PTPRK: variants seen among roughly 807,000 people sequenced by gnomAD.
PTPRK encodes the protein protein tyrosine phosphatase receptor type K, also known as receptor-type tyrosine-protein phosphatase kappa.
A neutral mutation model predicts 178.0 loss-of-function variants in PTPRK; 75 were observed. That is an observed-to-expected ratio of 0.42 (90% confidence interval 0.35 to 0.51). The LOEUF (loss-of-function observed/expected upper bound fraction) is 0.51. PTPRK is among the 20% of genes least tolerant of loss of function. The probability of loss-of-function intolerance (pLI) is 0.02; values close to 1 mark genes in which losing one functional copy is unlikely to be tolerated. For missense variants in PTPRK, 1,441 were observed against 1,797.8 expected (o/e 0.80, Z 3.59); for synonymous variants, 637 against 620.6 (o/e 1.03, Z -0.39).
At chr6:128,470,983 A>G (rs182618367) in intron 1 of PTPRK, among the ~76,000 whole-genome samples, 8 of 151,630 alleles carry the variant, frequency 5.3e-5, no homozygotes, top group Admixed American at 2.0e-4. Flanking sequence ...AGTTAAAATC[A>G]CATTACATTA....
chr6:128,506,659 CAAAA>C (rs60473661), intron 1 of PTPRK, among the ~76,000 whole-genome samples: 3 of 53,090 alleles, frequency 5.7e-5, no homozygotes, highest in Admixed American at 2.0e-4. Context: ...AACTCTGTCT[CAAAA>C]AAAAAAAAAA....
At chr6:128,401,727 A>G (rs1841045008) in intron 1 of PTPRK, among the ~76,000 whole-genome samples, 1 of 152,202 alleles carries the variant, frequency 6.6e-6, no homozygotes, top group African/African-American at 2.4e-5. Flanking sequence ...TACTGTTTGT[A>G]AAGAACAAGC....
In PTPRK at chr6:128,113,620, C is replaced by T. The variant is rs181223794; in HGVS notation, c.1163-23628G>A. Among the ~76,000 whole-genome samples the T allele has an allele frequency of 5.2e-3, 798 of 152,058 alleles. 32 individuals carry two copies. The highest frequency in any genetic ancestry group is 1.6e-3 in the Non-Finnish European group (108 of 67,944). ...GCTCAGGTTACATGAAAATATTACA[C>T]CATTTTGTGTAAGGGACTTGAGCAT... On this transcript the variant is annotated intron_variant, in intron 7 of 29. Transcript: ENST00000368226.
chr6:128,305,357 T>G (rs1826220346), intron 3 of PTPRK, among the ~76,000 whole-genome samples: 1 of 152,214 alleles, frequency 6.6e-6, no homozygotes, highest in African/African-American at 2.4e-5. Flanking sequence ...AGTTTCCTTT[T>G]TTCCACAAAG....
chr6:128,398,935 A>G (rs1413675554), intron 1 of PTPRK, among the ~76,000 whole-genome samples: 1 of 152,226 alleles, frequency 6.6e-6, no homozygotes. Context: ...CGATGTGTAC[A>G]GGCACACACG....
intron 3 of PTPRK, among the ~76,000 whole-genome samples, chr6:128,319,378 T>C (rs1828480388): frequency 6.6e-6 from 1 of 152,150 alleles, no homozygotes; most frequent in African/African-American, 2.4e-5. Flanking sequence ...ATTTTTATCT[T>C]CTACAGAGCA....
chr6:128,130,530 A>T (rs17055350), intron 7 of PTPRK, among the ~76,000 whole-genome samples: 3,871 of 152,050 alleles, frequency 0.025, 75 homozygotes, highest in Middle Eastern at 0.095. Context: ...TGTACAGTCC[A>T]CTATCTACAC....
chr6:128,212,084 A>G (rs1173370061), intron 6 of PTPRK, among the ~76,000 whole-genome samples: 1 of 152,018 alleles, frequency 6.6e-6, no homozygotes. Flanking sequence ...AAATAGGTAG[A>G]CTATTTTTTA....
intron 1 of PTPRK, among the ~76,000 whole-genome samples, chr6:128,481,735 T>C (rs1852108804): frequency 6.6e-6 from 1 of 152,084 alleles, no homozygotes; most frequent in Admixed American, 6.6e-5. Flanking sequence ...TACTGTTGAC[T>C]TGTTGATAGG....
intron 3 of PTPRK, among the ~76,000 whole-genome samples, chr6:128,299,826 T>A (rs1340981014): frequency 6.6e-6 from 1 of 151,952 alleles, no homozygotes; most frequent in South Asian, 2.1e-4. Flanking sequence ...GGACTTCATG[T>A]CTAAAACACC....
chr6:128,385,831 C>T (rs1260305564), intron 2 of PTPRK, among the ~76,000 whole-genome samples: 1 of 152,188 alleles, frequency 6.6e-6, no homozygotes, highest in Admixed American at 6.5e-5. Context: ...AGGGTACAAG[C>T]TTCAGAGCTG....
intron 7 of PTPRK, among the ~76,000 whole-genome samples, chr6:128,127,756 C>T (rs1163111970): frequency 1.3e-5 from 2 of 152,176 alleles, no homozygotes; most frequent in East Asian, 3.8e-4. Context: ...GAGATTACTT[C>T]AAAATATTAT....
In PTPRK at chr6:128,458,118, C is replaced by T. The variant is rs142831513; in HGVS notation, c.101-60430G>A. ...ACTATGGTCTCCATAGGGACTTGAA[C>T]ATTCAGAAAATTTCTCTCCATCTCT... On this transcript the variant is annotated intron_variant, in intron 1 of 29. Coordinates refer to ENST00000368226, the MANE Select transcript of PTPRK (RefSeq NM_002844.4). 2.0e-4 allele frequency among the ~76,000 whole-genome samples: 31 copies of T among 152,240 alleles called. 1 individual carries two copies. Among genetic ancestry groups the T allele is most frequent in the South Asian group, 2.1e-4 (1 of 4,830 alleles).
chr6:128,054,808 C>T (rs1779626218), intron 13 of PTPRK, among the ~76,000 whole-genome samples: 1 of 152,172 alleles, frequency 6.6e-6, no homozygotes, highest in African/African-American at 2.4e-5. Context: ...CCATGGAGAA[C>T]ACTTAGCACA....
At chr6:128,350,661 C>T (rs1356601630) in intron 2 of PTPRK, among the ~76,000 whole-genome samples, 1 of 152,182 alleles carries the variant, frequency 6.6e-6, no homozygotes, top group Non-Finnish European at 1.5e-5. Flanking sequence ...ATTGGTATTT[C>T]TAGTTACTCT....
chr6:128,195,529 A>G (rs1213436887), intron 6 of PTPRK, among the ~76,000 whole-genome samples: 1 of 152,084 alleles, frequency 6.6e-6, no homozygotes, highest in Non-Finnish European at 1.5e-5. Flanking sequence ...TTATCTACCT[A>G]TTATTTCTAC....
chr6:128,184,267 C>A lies in PTPRK; in HGVS notation c.1162+165G>T, dbSNP rs111508977. On this transcript the variant is annotated intron_variant, in intron 7 of 29. Coordinates refer to ENST00000368226, the MANE Select transcript of PTPRK (RefSeq NM_002844.4). ...AGCACTCCCATGTCCTCAAATCAGT[C>A]AAATTATGACATAATCAAGGTGATG... Among the ~76,000 whole-genome samples, 263 of 152,176 alleles carry A rather than the reference C, an allele frequency of 1.7e-3. 1 individual carries two copies. Among genetic ancestry groups the A allele is most frequent in the African/African-American group, 6.0e-3 (250 of 41,530 alleles).
At chr6:128,339,355 C>G (rs946006473) in intron 2 of PTPRK, among the ~76,000 whole-genome samples, 3 of 152,096 alleles carry the variant, frequency 2.0e-5, no homozygotes, top group African/African-American at 7.2e-5. Context: ...ACTAACAAGC[C>G]CATGTAACTA....
At chr6:128,035,297 C>G (rs975654842) in intron 13 of PTPRK, among the ~76,000 whole-genome samples, 2 of 152,082 alleles carry the variant, frequency 1.3e-5, no homozygotes, top group Non-Finnish European at 2.9e-5. Flanking sequence ...AACTGGGAGG[C>G]AGAGGTTGCA....
Sources: gnomAD v4.1 joint callset for allele counts (sites outside exome capture counted in the v4.1 genomes callset) on GRCh38, gnomAD v4.1.1 for gene constraint, MANE v1.5 for transcripts, NCBI Gene and HGNC (gene_info 2026-07-23, HGNC 2026-07-21) for gene names.